Variants in SLC18A1 observed in about 807,000 individuals in gnomAD.
The protein encoded by SLC18A1 is chromaffin granule amine transporter.
SLC18A1 carries 69 observed loss-of-function variants against 53.7 expected under a neutral mutation model. The ratio of observed to expected loss-of-function variants is 1.28; its 90% CI spans 1.06 to 1.57. SLC18A1 has a LOEUF of 1.57. Among genes scored for constraint, SLC18A1 ranks in the 40% most tolerant of loss-of-function variants. SLC18A1 has a pLI of 0.00. For missense variants in SLC18A1, 932 were observed against 668.1 expected, an observed-to-expected ratio of 1.40 and a Z score of -4.35; for synonymous variants, 320 against 248.1, an observed-to-expected ratio of 1.29 and a Z score of -2.72.
chr8:20,179,632 A>G, intron 2 of SLC18A1, 148 bp from the exon 3 acceptor site: 3 of 1,131,692 alleles, frequency 2.7e-6, no homozygotes, highest in Non-Finnish European at 3.8e-6. Flanking sequence ...TCTTACCACT[A>G]CTAGGATCAG....
chr8:20,174,040 G>A (rs2072193595), intron 5 of SLC18A1, among the ~76,000 whole-genome samples: 1 of 151,886 alleles, frequency 6.6e-6, no homozygotes, highest in East Asian at 1.9e-4. Context: ...GGGACCACAG[G>A]TGCACACCAC....
intron 11 of SLC18A1, 73 bp downstream of exon 11, chr8:20,150,593 A>G: frequency 7.7e-7 from 1 of 1,294,560 alleles, no homozygotes. Flanking sequence ...GCTGTTCATC[A>G]TTCCAAGATC....
intron 12 of SLC18A1, 33 bp downstream of exon 12, chr8:20,149,643 T>C (rs778344218): frequency 6.4e-7 from 1 of 1,571,940 alleles, no homozygotes; most frequent in Non-Finnish European, 8.8e-7. Context: ...GCTCTCTCTC[T>C]CCTTCCCCTC....
At chr8:20,165,374 G>T (rs3779671) in intron 8 of SLC18A1, among the ~76,000 whole-genome samples, 1 of 151,792 alleles carries the variant, frequency 6.6e-6, no homozygotes, top group South Asian at 2.1e-4. Flanking sequence ...TGGTTCCTGC[G>T]TTCACGTGAC....
At chr8:20,163,859 G>A (rs1268955303) in intron 10 of SLC18A1, among the ~76,000 whole-genome samples, 2 of 152,180 alleles carry the variant, frequency 1.3e-5, no homozygotes, top group Non-Finnish European at 2.9e-5. Flanking sequence ...TGGCAACTGA[G>A]AATGGTCCCT....
At chr8:20,152,672 A>G (rs532641684) in intron 10 of SLC18A1, among the ~76,000 whole-genome samples, 1 of 152,330 alleles carries the variant, frequency 6.6e-6, no homozygotes, top group African/African-American at 2.4e-5. Context: ...AGGCAGTTAG[A>G]TACTTAAAGC....
chr8:20,177,613 G>A (rs10283363), intron 4 of SLC18A1, among the ~76,000 whole-genome samples: 4,353 of 152,210 alleles, frequency 0.029, 265 homozygotes, highest in East Asian at 0.28. Context: ...CGTTGTGCAC[G>A]TGTACCCTAG....
chr8:20,167,326 A>G (rs139911511), intron 8 of SLC18A1, among the ~76,000 whole-genome samples: 51 of 152,296 alleles, frequency 3.3e-4, no homozygotes, highest in African/African-American at 1.2e-3. Flanking sequence ...TTTGTTTTTT[A>G]TAATGGCATG....
intron 4 of SLC18A1, chr8:20,175,996 C>G (rs1195570882): frequency 2.6e-5 from 4 of 152,196 alleles, no homozygotes; most frequent in South Asian, 4.1e-4. Flanking sequence ...GTTTTTAAAA[C>G]TGAAACTCAA....
In SLC18A1 at chr8:20,179,290, C is replaced by T. The variant is rs753929757; in HGVS notation, c.319G>A (p.Ala107Thr). 6 of 1,614,050 alleles carry T rather than the reference C, an allele frequency of 3.7e-6. No homozygotes were observed. Among genetic ancestry groups the T allele is most frequent in the Admixed American group, 1.7e-5 (1 of 60,000 alleles). ...PSGIAWMNDT[A>T]STIPPPATEA... ...GTGGCTGGAGGTGGGATGGTGCTGG[C>T]AGTGTCATTCATCCATGCTATTCCA... Residue 107 changes from alanine (A) to threonine (T), a missense_variant, in exon 3 of 16, where the codon GCC (alanine) becomes ACC (threonine). Coordinates refer to ENST00000276373, the MANE Select transcript of SLC18A1 (RefSeq NM_003053.4).
Position 20,171,703 on chromosome 8 carries a change from T to TGC in SLC18A1, c.725-211_725-210dup, listed in dbSNP as rs71222136. Among the ~76,000 whole-genome samples, 16 of 146,858 alleles carry TGC rather than the reference T, an allele frequency of 1.1e-4. 1 individual carries two copies. In the East Asian group the frequency reaches 1.2e-3, roughly 11 times the overall value. ...GGAAGTGTGTGTGTGTGTGTGTGTG[T>TGC]GCGCGCGCGTGTGTGTATGTATGTG... On this transcript the variant is annotated intron_variant, in intron 6 of 15. Transcript: ENST00000276373.
chr8:20,179,554 C>T, intron 2 of SLC18A1, 70 bp from the exon 3 acceptor site: 3 of 1,528,470 alleles, frequency 2.0e-6, no homozygotes, highest in Non-Finnish European at 2.6e-6. Context: ...ACTCAAGGGG[C>T]TAAGGACAGA....
At chr8:20,156,824 C>T (rs1026504911) in intron 10 of SLC18A1, among the ~76,000 whole-genome samples, 3 of 152,196 alleles carry the variant, frequency 2.0e-5, no homozygotes, top group Non-Finnish European at 4.4e-5. Flanking sequence ...AATCCTGACT[C>T]AAAGGGTTAC....
At chr8:20,148,450 T>C in intron 12 of SLC18A1, 1 of 1,291,246 alleles carries the variant, frequency 7.7e-7, no homozygotes, top group African/African-American at 1.5e-5. Context: ...CTTCATGGAA[T>C]AAAGTTGCCT....
At chr8:20,158,409 C>T (rs1268032040) in intron 10 of SLC18A1, among the ~76,000 whole-genome samples, 1 of 152,174 alleles carries the variant, frequency 6.6e-6, no homozygotes, top group Admixed American at 6.5e-5. Flanking sequence ...TACACCTGAA[C>T]ATACAGAAGG....
intron 8 of SLC18A1, among the ~76,000 whole-genome samples, chr8:20,166,716 C>T (rs568895937): frequency 6.6e-6 from 1 of 152,054 alleles, no homozygotes; most frequent in Non-Finnish European, 1.5e-5. Flanking sequence ...GGAGTCCCCC[C>T]ACCTTAGTCA....
At position 20,147,331 on chromosome 8, in the gene SLC18A1, G is replaced by A. The variant is rs367914085; in HGVS notation, c.1391C>T (p.Thr464Ile). ...AIGFPWLMVI[T>I]GVINIVYAPL... is the part of the protein sequence containing the mutation. ...AGCATAGACGATGTTGATGACCCCA[G>A]TGATGACCATGAGCCAGGGAAAACC... Residue 464 changes from threonine (T) to isoleucine (I), a missense_variant, in exon 15 of 16, where the codon ACT becomes ATT. Physicochemically the swap from Thr to Ile is moderately conservative, Grantham distance 89. Coordinates refer to ENST00000276373, the MANE Select transcript of SLC18A1 (RefSeq NM_003053.4). 5 of 1,613,618 alleles carry A rather than the reference G, an allele frequency of 3.1e-6. No individual in the cohort carries two copies. Among genetic ancestry groups the A allele is most frequent in the Non-Finnish European group, 4.2e-6 (5 of 1,179,938 alleles).
chr8:20,165,374 G>A lies in SLC18A1; in HGVS notation c.859-267C>T, dbSNP rs3779671. On this transcript the variant is annotated intron_variant, in intron 8 of 15. Coordinates refer to ENST00000276373, the MANE Select transcript of SLC18A1 (RefSeq NM_003053.4). Reference sequence around the variant, plus strand: ...AACATATTCCAGCCATGGTTCCTGCGTTCACGTGACCATCAACAAGGTCAG... The same window carrying A: ...AACATATTCCAGCCATGGTTCCTGCATTCACGTGACCATCAACAAGGTCAG... 3.9e-5 allele frequency among the ~76,000 whole-genome samples: 6 copies of A among 151,908 alleles called. 1 individual carries two copies. The East Asian group carries it at 1.2e-3, about 30-fold the overall frequency.
At chr8:20,174,940 T>C (rs1306279993) in intron 4 of SLC18A1, among the ~76,000 whole-genome samples, 1 of 152,250 alleles carries the variant, frequency 6.6e-6, no homozygotes, top group Admixed American at 6.5e-5. Flanking sequence ...TGTGATACAA[T>C]CAGATCCTTT....
Sources: allele counts gnomAD v4.1 joint callset (sites outside exome capture counted in the v4.1 genomes callset), GRCh38; gene constraint gnomAD v4.1.1; transcripts MANE v1.5; gene names NCBI Gene and HGNC (gene_info 2026-07-23, HGNC 2026-07-21).